Variants in RXFP2 observed in about 807,000 individuals in gnomAD.
RXFP2 encodes the protein relaxin family peptide receptor 2.
A neutral mutation model predicts 88.6 loss-of-function variants in RXFP2; 68 were observed. That is an observed-to-expected ratio of 0.77 (90% CI 0.63 to 0.94). The LOEUF (loss-of-function observed/expected upper bound fraction) is 0.94. RXFP2 is among the 40% of genes least tolerant of loss of function. The probability of loss-of-function intolerance (pLI) is 0.00; values close to 1 mark genes in which losing one functional copy is unlikely to be tolerated. For synonymous variants in RXFP2, 329 were observed against 306.8 expected (o/e 1.07, Z -0.76); for missense variants, 791 against 893.9 (o/e 0.88, Z 1.47).
At chr13:31,783,548 T>G (rs1183964894) in intron 11 of RXFP2, among the ~76,000 whole-genome samples, 3 of 152,236 alleles carry the variant, frequency 2.0e-5, no homozygotes, top group South Asian at 2.1e-4. Flanking sequence ...AACTCATGAA[T>G]AGTTAAGGTA....
At position 31,758,510 on chromosome 13, in the gene RXFP2, G is replaced by A. The variant is rs1020936703; in HGVS notation, c.241+106G>A. 24 of 1,315,154 alleles carry A rather than the reference G, an allele frequency of 1.8e-5. No individual in the cohort carries two copies. In the Admixed American group the frequency reaches 4.0e-4, roughly 22 times the overall value. The allele number at this position is 1,315,154 out of a possible 1,614,324, so 81.5% of individuals were successfully genotyped here. On this transcript the variant is annotated intron_variant, in intron 2 of 17. Coordinates refer to ENST00000298386, the MANE Select transcript of RXFP2 (RefSeq NM_130806.5). Reference sequence around the variant, plus strand: ...GATAAACTAGGAAAGCTGATTTGGTGTTCTGTAGGGATTTCCTTTGAAACA... The same window carrying A: ...GATAAACTAGGAAAGCTGATTTGGTATTCTGTAGGGATTTCCTTTGAAACA...
At chr13:31,781,883 C>T (rs962688648) in intron 10 of RXFP2, 141 bp downstream of exon 10, 17 of 665,682 alleles carry the variant, frequency 2.6e-5, no homozygotes, top group Non-Finnish European at 4.2e-5. Flanking sequence ...AATGCACACA[C>T]TGATTTATTG....
At chr13:31,748,838 A>G (rs1467427428) in intron 1 of RXFP2, among the ~76,000 whole-genome samples, 2 of 152,132 alleles carry the variant, frequency 1.3e-5, no homozygotes, top group Non-Finnish European at 2.9e-5. Context: ...ACAAAAAAGA[A>G]AAAGAAAAAT....
chr13:31,767,194 A>G (rs1381921632), intron 5 of RXFP2, among the ~76,000 whole-genome samples: 2 of 152,190 alleles, frequency 1.3e-5, no homozygotes, highest in Admixed American at 6.5e-5. Flanking sequence ...TTCCTCATAC[A>G]AGAAAAGAAG....
At chr13:31,783,379 G>A (rs1873375561) in intron 11 of RXFP2, among the ~76,000 whole-genome samples, 1 of 152,148 alleles carries the variant, frequency 6.6e-6, no homozygotes, top group Non-Finnish European at 1.5e-5. Flanking sequence ...AACTAAGTCT[G>A]TTACATTACA....
chr13:31,798,717 C>A (rs1002542987), intron 17 of RXFP2, among the ~76,000 whole-genome samples: 2 of 152,150 alleles, frequency 1.3e-5, no homozygotes, highest in Non-Finnish European at 1.5e-5. Flanking sequence ...ACACTGTGAT[C>A]CAGGCCCACT....
rs758410646 is a variant in RXFP2 at position 31,739,631 on chromosome 13, T to G, written c.19T>G (p.Phe7Val). The G allele has an allele frequency of 1.2e-6, 2 of 1,604,192 alleles. No homozygotes were observed. The highest frequency in any genetic ancestry group is 2.2e-5 in the South Asian group (2 of 90,854). Residue 7 changes from phenylalanine (F) to valine (V), a missense_variant, in exon 1 of 18, where the codon TTT (phenylalanine) becomes GTT (valine). Physicochemically the swap from Phe to Val is conservative, Grantham distance 50 (BLOSUM62 -1). Coordinates refer to ENST00000298386, the MANE Select transcript of RXFP2 (RefSeq NM_130806.5). ...TAAACCTATGATTGTTTTTCTGGTT[T>G]TTAAACATCTCTTCAGCCTCAGATT... MIVFLVFKHLFSLRLIT... is the reference protein window; with the variant it reads MIVFLVVKHLFSLRLIT...
At chr13:31,796,817 C>A (rs1181572991) in intron 16 of RXFP2, among the ~76,000 whole-genome samples, 1 of 152,144 alleles carries the variant, frequency 6.6e-6, no homozygotes, top group Non-Finnish European at 1.5e-5. Context: ...TTTGAAAATC[C>A]AAAATTTGAA....
At chr13:31,793,696 T>C (rs1421286411) in intron 16 of RXFP2, among the ~76,000 whole-genome samples, 2 of 152,172 alleles carry the variant, frequency 1.3e-5, no homozygotes, top group African/African-American at 4.8e-5. Flanking sequence ...AAACACTTTT[T>C]TTCTATTTTC....
At chr13:31,768,686 C>G (rs371073269) in intron 5 of RXFP2, among the ~76,000 whole-genome samples, 1 of 152,154 alleles carries the variant, frequency 6.6e-6, no homozygotes, top group South Asian at 2.1e-4. Context: ...AACTCAAGTT[C>G]TTTATACTCA....
At chr13:31,747,154 G>T (rs1327626931) in intron 1 of RXFP2, among the ~76,000 whole-genome samples, 1 of 152,028 alleles carries the variant, frequency 6.6e-6, no homozygotes. Context: ...TGTTATTTTT[G>T]TTCATTTTAC....
chr13:31,783,232 C>A (rs1873371546), intron 11 of RXFP2, among the ~76,000 whole-genome samples: 1 of 152,110 alleles, frequency 6.6e-6, no homozygotes, highest in South Asian at 2.1e-4. Context: ...GGGTTAGGCT[C>A]ACGGAAAAAA....
At position 31,772,564 on chromosome 13, in the gene RXFP2, T is replaced by C. The variant is rs117145366; in HGVS notation, c.498-2056T>C. Among the ~76,000 whole-genome samples, 897 of 152,310 alleles carry C rather than the reference T, an allele frequency of 5.9e-3. 7 individuals are homozygous for C. The highest frequency in any genetic ancestry group is 8.8e-3 in the Non-Finnish European group (601 of 68,040). On this transcript the variant is annotated intron_variant, in intron 5 of 17. Coordinates refer to ENST00000298386, the MANE Select transcript of RXFP2 (RefSeq NM_130806.5). ...CTTGCCAAGTTGTCATGTTTCCAAATATCCCCACACATTCTTTAAGCTACT... is the reference window on the plus strand; with the variant it reads ...CTTGCCAAGTTGTCATGTTTCCAAACATCCCCACACATTCTTTAAGCTACT...
intron 3 of RXFP2, among the ~76,000 whole-genome samples, chr13:31,764,074 A>C (rs1238297159): frequency 1.3e-5 from 2 of 152,178 alleles, no homozygotes; most frequent in Non-Finnish European, 2.9e-5. Context: ...AAGAACTTAT[A>C]ATTACATTAA....
At chr13:31,793,711 A>G (rs978364586) in intron 16 of RXFP2, among the ~76,000 whole-genome samples, 2 of 152,110 alleles carry the variant, frequency 1.3e-5, no homozygotes, top group African/African-American at 4.8e-5. Context: ...ATTTTCTAAT[A>G]TGTATCCCTC....
At chr13:31,772,738 G>A (rs1457661566) in intron 5 of RXFP2, among the ~76,000 whole-genome samples, 1 of 152,182 alleles carries the variant, frequency 6.6e-6, no homozygotes, top group Non-Finnish European at 1.5e-5. Context: ...CATTATTTAA[G>A]AGTTTGAGTT....
Position 31,802,694 on chromosome 13 carries a change from C to G in RXFP2, c.*289C>G. The G allele has an allele frequency of 2.4e-6, 1 of 425,372 alleles. No homozygotes were observed. Among genetic ancestry groups the G allele is most frequent in the Non-Finnish European group, 4.4e-6 (1 of 228,194 alleles). 26.3% of individuals were successfully genotyped at this position (425,372 alleles called of 1,614,324 possible). The stretch of plus-strand genomic sequence containing the variant: ...CTGATCTCTAGCTAATCAACACAAC[C>G]CACCAACAAATGACCACAGGTTGGC... On this transcript the variant is annotated 3_prime_UTR_variant, in exon 18 of 18. Coordinates refer to ENST00000298386, the MANE Select transcript of RXFP2 (RefSeq NM_130806.5).
chr13:31,783,426 A>T lies in RXFP2; in HGVS notation c.929+679A>T, dbSNP rs9549085. On this transcript the variant is annotated intron_variant, in intron 11 of 17. Coordinates refer to ENST00000298386, the MANE Select transcript of RXFP2 (RefSeq NM_130806.5). ...TTAGGATAGAAAACTCATCTTTCTG[A>T]TTGAGGCCTTAAAATGGAAATTAAT... Among the ~76,000 whole-genome samples, 839 of 152,342 alleles carry T rather than the reference A, an allele frequency of 5.5e-3. 4 individuals are homozygous for T. The highest frequency in any genetic ancestry group is 0.014 in the Middle Eastern group (4 of 294).
At chr13:31,749,646 C>A (rs767675787) in intron 1 of RXFP2, among the ~76,000 whole-genome samples, 1 of 152,188 alleles carries the variant, frequency 6.6e-6, no homozygotes, top group Non-Finnish European at 1.5e-5. Flanking sequence ...TTCCTAAATA[C>A]ATGACCCTGT....
Sources: allele counts gnomAD v4.1 joint callset (sites outside exome capture counted in the v4.1 genomes callset), GRCh38; gene constraint gnomAD v4.1.1; transcripts MANE v1.5; gene names NCBI Gene and HGNC (gene_info 2026-07-23, HGNC 2026-07-21).